Variants in ESF1 observed in about 807,000 individuals in gnomAD.
The protein encoded by ESF1 is ESF1 nucleolar pre-rRNA processing protein.
A neutral mutation model predicts 92.0 loss-of-function variants in ESF1; 58 were observed. That is an observed-to-expected ratio of 0.63 (90% CI 0.51 to 0.78). The LOEUF is 0.78. Among genes scored for constraint, ESF1 ranks in the 30% least tolerant of loss-of-function variants. ESF1 has a pLI of 0.00. For synonymous variants in ESF1, 321 were observed against 313.7 expected, an observed-to-expected ratio of 1.02 and a Z score of -0.24; for missense variants, 922 against 989.1, an observed-to-expected ratio of 0.93 and a Z score of 0.91.
chr20:13,753,617 A>G (rs1399525443), intron 9 of ESF1, among the ~76,000 whole-genome samples: 1 of 151,930 alleles, frequency 6.6e-6, no homozygotes, highest in Admixed American at 6.6e-5. Flanking sequence ...CACACAGATG[A>G]TCCTCTGAAC....
chr20:13,782,791 GTTTC>G lies in ESF1; in HGVS notation c.346_349del (p.Glu116ProfsTer15). The G allele has an allele frequency of 2.5e-6, 4 of 1,604,056 alleles. No homozygotes were observed. The highest frequency in any genetic ancestry group is 3.4e-6 in the Non-Finnish European group (4 of 1,177,784). On this transcript the variant is annotated frameshift_variant, in exon 2 of 14. Transcript: ENST00000617257. LOFTEE classifies it high-confidence loss of function. The stretch of plus-strand genomic sequence containing the variant: ...AGAACCCTTGTGATTAGCCTTCTTG[GTTTC>G]TTTCTTTTTCTCAACTAGATTTTTT...
intron 9 of ESF1, among the ~76,000 whole-genome samples, chr20:13,741,918 G>C (rs911004578): frequency 2.7e-4 from 41 of 152,224 alleles, no homozygotes; most frequent in African/African-American, 9.9e-4. Context: ...AAGCCAACAG[G>C]AAAAGCACAA....
chr20:13,773,644 A>G (rs1979789534), intron 4 of ESF1, among the ~76,000 whole-genome samples: 2 of 152,140 alleles, frequency 1.3e-5, no homozygotes, highest in Non-Finnish European at 2.9e-5. Context: ...CTGTTCTACC[A>G]ATTTGTCCCA....
At chr20:13,766,130 G>C (rs1979415934) in intron 8 of ESF1, among the ~76,000 whole-genome samples, 2 of 152,052 alleles carry the variant, frequency 1.3e-5, no homozygotes, top group Non-Finnish European at 2.9e-5. Flanking sequence ...TTTAAGAGTA[G>C]AGATAGGCAA....
chr20:13,728,551 T>A, intron 10 of ESF1, 86 bp from the exon 11 acceptor site: 1 of 1,057,474 alleles, frequency 9.5e-7, no homozygotes, highest in Non-Finnish European at 1.4e-6. Flanking sequence ...GCATTTCTTT[T>A]AAACCAAGTA....
chr20:13,782,844 G>T lies in ESF1; in HGVS notation c.297C>A (p.Thr99=). Residue 99 remains threonine (T), a synonymous_variant, in exon 2 of 14, where the codon ACC becomes ACA. Coordinates refer to ENST00000617257, the MANE Select transcript of ESF1 (RefSeq NM_001276380.2). ...TTGAATCGATTTCTTTTTTAGTCTG[G>T]GTTTTTTTCTTCTTTATTTTCTTTT... ...LSQKKIKKKK[T]QTKKEIDSKN... 1 of 1,601,884 alleles carries T rather than the reference G, an allele frequency of 6.2e-7. No individual in the cohort carries two copies. Among genetic ancestry groups the T allele is most frequent in the South Asian group, 1.1e-5 (1 of 86,986 alleles).
chr20:13,732,408 C>T (rs1045621709), intron 10 of ESF1, among the ~76,000 whole-genome samples: 1 of 152,174 alleles, frequency 6.6e-6, no homozygotes, highest in African/African-American at 2.4e-5. Context: ...ACACTGACTA[C>T]AATAGAAGTA....
Position 13,782,598 on chromosome 20 carries a change from G to T in ESF1, c.543C>A (p.Leu181=). The T allele has an allele frequency of 6.3e-7, 1 of 1,595,542 alleles. No individual in the cohort carries two copies. The highest frequency in any genetic ancestry group is 8.5e-7 in the Non-Finnish European group (1 of 1,175,418). The stretch of plus-strand genomic sequence containing the variant: ...AGTCTAATGTCCTTTGTTTTTCTTC[G>T]AGAGAAGAGTCTGTAGTATGTTGAA... The part of the protein sequence containing the change: ...NIVQHTTDSS[L]EEKQRTLDSG... The change falls in exon 2 of 14, where the codon CTC becomes CTA. Residue 181 remains leucine (L), a synonymous_variant. Transcript: ENST00000617257.
chr20:13,726,661 G>C (rs1461383197), intron 11 of ESF1, among the ~76,000 whole-genome samples: 1 of 152,130 alleles, frequency 6.6e-6, no homozygotes, highest in Non-Finnish European at 1.5e-5. Flanking sequence ...ACTCCATGAG[G>C]GATGCAATCC....
At chr20:13,756,124 T>G (rs1343420639) in intron 9 of ESF1, among the ~76,000 whole-genome samples, 3 of 152,336 alleles carry the variant, frequency 2.0e-5, no homozygotes, top group Admixed American at 2.0e-4. Context: ...GAAAGTACTT[T>G]GTAGTTTATA....
At chr20:13,760,249 C>T (rs575925456) in intron 8 of ESF1, among the ~76,000 whole-genome samples, 223 of 149,998 alleles carry the variant, frequency 1.5e-3, no homozygotes, top group Non-Finnish European at 2.6e-3. Flanking sequence ...CTCTGCCTGG[C>T]TGCCCAGTCT....
chr20:13,755,594 T>A (rs1269686313), intron 9 of ESF1, among the ~76,000 whole-genome samples: 1 of 152,224 alleles, frequency 6.6e-6, no homozygotes, highest in Non-Finnish European at 1.5e-5. Context: ...AGATAGGAAA[T>A]ACAACTTCAC....
intron 10 of ESF1, among the ~76,000 whole-genome samples, chr20:13,729,660 T>C (rs898429080): frequency 2.0e-5 from 3 of 152,218 alleles, no homozygotes; most frequent in African/African-American, 7.2e-5. Context: ...AAAGAATTTT[T>C]ATTATGAAAA....
intron 9 of ESF1, among the ~76,000 whole-genome samples, chr20:13,734,656 G>A (rs1220005247): frequency 1.3e-5 from 2 of 152,074 alleles, no homozygotes; most frequent in African/African-American, 2.4e-5. Flanking sequence ...CAAAGTAAAG[G>A]AAATGTAAAT....
chr20:13,722,186 C>G (rs1482853736), intron 11 of ESF1, among the ~76,000 whole-genome samples: 1 of 151,894 alleles, frequency 6.6e-6, no homozygotes, highest in Non-Finnish European at 1.5e-5. Context: ...GATTTTATAA[C>G]AACCTGGTGA....
intron 11 of ESF1, 127 bp from the exon 12 acceptor site, chr20:13,719,111 AG>A: frequency 1.8e-6 from 1 of 561,274 alleles, no homozygotes. Context: ...TGAAACTAAA[AG>A]AAAAAAACAC....
At chr20:13,753,898 T>C (rs1009903451) in intron 9 of ESF1, among the ~76,000 whole-genome samples, 2 of 152,238 alleles carry the variant, frequency 1.3e-5, no homozygotes, top group African/African-American at 4.8e-5. Flanking sequence ...TGCTTAGCAT[T>C]CCAATAATGG....
rs1264624443 is a variant in ESF1, at chr20:13,714,895, T to C, written c.2535A>G (p.Arg845=). The C allele has an allele frequency of 1.3e-6, 2 of 1,597,780 alleles. No homozygotes were observed. The highest frequency in any genetic ancestry group is 1.8e-5 in the Admixed American group (1 of 56,366). Residue 845 remains arginine (R), a synonymous_variant, in exon 14 of 14, where the codon AGA becomes AGG. Transcript: ENST00000617257. ...IKTKTEQFQA[R]KKQKVK Reference sequence around the variant, plus strand: ...CCAGTTATTTGACTTTTTGCTTTTTTCTTGCTTGAAACTGCTCTGTTTTGG... The same window carrying C: ...CCAGTTATTTGACTTTTTGCTTTTTCCTTGCTTGAAACTGCTCTGTTTTGG...
chr20:13,757,997 C>T (rs1600284589), intron 9 of ESF1, among the ~76,000 whole-genome samples: 1 of 152,138 alleles, frequency 6.6e-6, no homozygotes, highest in African/African-American at 2.4e-5. Context: ...TCAAGGGACT[C>T]AAGTAAAATA....
Sources: gnomAD v4.1 joint callset for allele counts (sites outside exome capture counted in the v4.1 genomes callset) on GRCh38, gnomAD v4.1.1 for gene constraint, MANE v1.5 for transcripts, NCBI Gene and HGNC (gene_info 2026-07-23, HGNC 2026-07-21) for gene names.